NAALADL2: variants seen among roughly 807,000 people sequenced by gnomAD.
The protein encoded by NAALADL2 is inactive N-acetylated-alpha-linked acidic dipeptidase-like protein 2.
NAALADL2 carries 76 observed loss-of-function variants against 87.2 expected under a neutral mutation model. The observed-to-expected ratio is 0.87, with a 90% CI of 0.72 to 1.05. The LOEUF is 1.05. NAALADL2 is among the 50% of genes least tolerant of loss of function. The pLI is 0.00. For synonymous variants in NAALADL2, 354 were observed against 331.0 expected, an observed-to-expected ratio of 1.07 and a Z score of -0.75; for missense variants, 1,089 against 945.8, an observed-to-expected ratio of 1.15 and a Z score of -1.99.
chr3:175,214,742 G>A (rs1274461468), intron 2 of NAALADL2, among the ~76,000 whole-genome samples: 1 of 152,058 alleles, frequency 6.6e-6, no homozygotes, highest in African/African-American at 2.4e-5. Flanking sequence ...AACTTTAATT[G>A]TGCCAATATT....
At chr3:174,530,075 C>T (rs1316366217) in intron 1 of NAALADL2, among the ~76,000 whole-genome samples, 3 of 152,102 alleles carry the variant, frequency 2.0e-5, no homozygotes, top group Non-Finnish European at 4.4e-5. Flanking sequence ...TGCAAATGTT[C>T]CATACTTTTA....
chr3:175,626,458 G>A (rs546267997), intron 10 of NAALADL2, among the ~76,000 whole-genome samples: 3 of 151,774 alleles, frequency 2.0e-5, no homozygotes, highest in African/African-American at 7.2e-5. Flanking sequence ...GAATAATGTA[G>A]TTCATAGTTG....
intron 4 of NAALADL2, among the ~76,000 whole-genome samples, chr3:175,296,256 A>C (rs1003639189): frequency 6.6e-6 from 1 of 152,036 alleles, no homozygotes; most frequent in African/African-American, 2.4e-5. Flanking sequence ...AGGGGAGGGG[A>C]TCCTACATCT....
intron 10 of NAALADL2, among the ~76,000 whole-genome samples, chr3:175,601,066 T>C (rs1183253756): frequency 2.0e-5 from 3 of 152,180 alleles, no homozygotes; most frequent in East Asian, 3.8e-4. Flanking sequence ...GTGGTTTTTT[T>C]CCGCTTAGAA....
intron 2 of NAALADL2, among the ~76,000 whole-genome samples, chr3:174,569,757 C>T (rs1254105025): frequency 6.6e-6 from 1 of 152,116 alleles, no homozygotes; most frequent in African/African-American, 2.4e-5. Context: ...TTTGGGTTAA[C>T]ACGCAAATGC....
At chr3:174,751,970 T>TATTTTC (rs1451273655) in intron 3 of NAALADL2, among the ~76,000 whole-genome samples, 1 of 152,050 alleles carries the variant, frequency 6.6e-6, no homozygotes, top group Non-Finnish European at 1.5e-5. Flanking sequence ...TTTCTTTTAT[T>TATTTTC]TTTTTCTTTT....
At chr3:174,548,211 AT>A (rs1711613461) in intron 1 of NAALADL2, among the ~76,000 whole-genome samples, 1 of 152,320 alleles carries the variant, frequency 6.6e-6, no homozygotes, top group African/African-American at 2.4e-5. Flanking sequence ...CTTTAAATAA[AT>A]TTTGGTGAAA....
At chr3:174,736,666 C>G (rs982220779) in intron 2 of NAALADL2, among the ~76,000 whole-genome samples, 3 of 152,052 alleles carry the variant, frequency 2.0e-5, no homozygotes, top group Non-Finnish European at 4.4e-5. Context: ...TCATGGGCAG[C>G]CTTTCGTCGG....
At chr3:175,783,059 A>G (rs1374723088) in intron 13 of NAALADL2, among the ~76,000 whole-genome samples, 7 of 149,816 alleles carry the variant, frequency 4.7e-5, no homozygotes, top group African/African-American at 1.2e-4. Context: ...TGTTCCATTG[A>G]TCTATATCTC....
intron 1 of NAALADL2, among the ~76,000 whole-genome samples, chr3:175,066,611 G>A (rs1318443404): frequency 6.6e-6 from 1 of 152,090 alleles, no homozygotes; most frequent in Non-Finnish European, 1.5e-5. Context: ...AGGTGGGATT[G>A]TTTCTTGGTT....
At chr3:175,133,696 T>G (rs1213914052) in intron 2 of NAALADL2, among the ~76,000 whole-genome samples, 1 of 152,042 alleles carries the variant, frequency 6.6e-6, no homozygotes, top group Non-Finnish European at 1.5e-5. Context: ...CGGCTTGGCA[T>G]CAGAGGGAGA....
At chr3:174,750,063 C>T (rs1734669762) in intron 3 of NAALADL2, among the ~76,000 whole-genome samples, 1 of 152,190 alleles carries the variant, frequency 6.6e-6, no homozygotes, top group African/African-American at 2.4e-5. Flanking sequence ...TCCACCGTGT[C>T]TCCAGTCTTT....
chr3:175,046,277 G>T (rs4367078), intron 1 of NAALADL2, among the ~76,000 whole-genome samples: 42,294 of 151,834 alleles, frequency 0.28, 6,646 homozygotes, highest in African/African-American at 0.41. Flanking sequence ...GGCTTGAGAT[G>T]GTAAACTTTT....
chr3:174,511,284 T>TA (rs1719587494), intron 1 of NAALADL2, among the ~76,000 whole-genome samples: 1 of 152,042 alleles, frequency 6.6e-6, no homozygotes, highest in African/African-American at 2.4e-5. Flanking sequence ...CTAATTTACA[T>TA]ATTTTCTAGT....
chr3:175,316,725 C>CCTT (rs1171137512), intron 4 of NAALADL2, among the ~76,000 whole-genome samples: 1 of 152,086 alleles, frequency 6.6e-6, no homozygotes, highest in Non-Finnish European at 1.5e-5. Context: ...AAAATATAGT[C>CCTT]CTTCCAGAGT....
chr3:175,794,538 G>A (rs923735803), intron 13 of NAALADL2, among the ~76,000 whole-genome samples: 10 of 151,896 alleles, frequency 6.6e-5, no homozygotes, highest in East Asian at 3.9e-4. Flanking sequence ...TTAAACTATC[G>A]AGCACTGTGC....
chr3:174,882,720 T>A (rs1729492447), intron 1 of NAALADL2, among the ~76,000 whole-genome samples: 1 of 148,322 alleles, frequency 6.7e-6, no homozygotes, highest in Admixed American at 6.7e-5. Context: ...TACACATATA[T>A]GTGTATATGT....
chr3:175,275,104 G>C (rs912064414), intron 4 of NAALADL2, among the ~76,000 whole-genome samples: 3 of 152,156 alleles, frequency 2.0e-5, no homozygotes, highest in African/African-American at 7.2e-5. Flanking sequence ...TGGTAGTAAA[G>C]ATATGTTGGC....
intron 2 of NAALADL2, among the ~76,000 whole-genome samples, chr3:174,571,824 AT>A (rs1307173164): frequency 1.3e-5 from 2 of 152,308 alleles, no homozygotes; most frequent in Non-Finnish European, 2.9e-5. Context: ...AAGAAAAAAA[AT>A]ATGTCTGATT....
Sources: allele counts gnomAD v4.1 joint callset (sites outside exome capture counted in the v4.1 genomes callset), GRCh38; gene constraint gnomAD v4.1.1; transcripts MANE v1.5; gene names NCBI Gene and HGNC (gene_info 2026-07-23, HGNC 2026-07-21).